AMPH: variants seen among roughly 807,000 people sequenced by gnomAD.
The protein encoded by AMPH is amphiphysin (Stiff-Mann syndrome with breast cancer 128kD autoantigen).
In AMPH, 49 loss-of-function variants were observed where a neutral mutation model predicts 99.1. The ratio of observed to expected loss-of-function variants is 0.49; its 90% CI spans 0.39 to 0.63. The LOEUF is 0.63. Ranked by LOEUF, AMPH falls within the 20% of genes least tolerant of loss-of-function variation. The pLI is 0.00. For synonymous variants in AMPH, 314 were observed against 317.3 expected (o/e 0.99, Z 0.11); for missense variants, 759 against 863.4 (o/e 0.88, Z 1.52).
chr7:38,472,898 C>T (rs1251221899), intron 7 of AMPH, among the ~76,000 whole-genome samples: 5 of 152,142 alleles, frequency 3.3e-5, no homozygotes, highest in African/African-American at 9.7e-5. Flanking sequence ...TTTCACGCTA[C>T]GAGACACTCC....
chr7:38,464,441 T>C (rs187558659), intron 9 of AMPH, among the ~76,000 whole-genome samples: 5 of 152,262 alleles, frequency 3.3e-5, no homozygotes, highest in East Asian at 1.9e-4. Context: ...ATAGAAACCA[T>C]AGCAGAACCT....
intron 19 of AMPH, among the ~76,000 whole-genome samples, chr7:38,390,941 C>G (rs181010116): frequency 9.1e-4 from 130 of 143,102 alleles, no homozygotes; most frequent in African/African-American, 3.2e-3. Flanking sequence ...CAGTTACTTT[C>G]TAATGGAGAG....
intron 1 of AMPH, among the ~76,000 whole-genome samples, chr7:38,585,749 T>C (rs1037499495): frequency 1.3e-5 from 2 of 152,234 alleles, no homozygotes; most frequent in African/African-American, 4.8e-5. Context: ...GCAAGGGCTA[T>C]TTTTGAAACA....
intron 1 of AMPH, among the ~76,000 whole-genome samples, chr7:38,565,987 A>T (rs1791728317): frequency 6.6e-6 from 1 of 152,224 alleles, no homozygotes; most frequent in Admixed American, 6.5e-5. Context: ...AGATATCTTC[A>T]TATGAAAATA....
intron 1 of AMPH, among the ~76,000 whole-genome samples, chr7:38,578,308 C>G (rs758322803): frequency 6.6e-6 from 1 of 152,112 alleles, no homozygotes; most frequent in Non-Finnish European, 1.5e-5. Flanking sequence ...AAGGACTTAG[C>G]AAGTTATGTT....
At chr7:38,590,039 T>C (rs1792798331) in intron 1 of AMPH, among the ~76,000 whole-genome samples, 1 of 152,142 alleles carries the variant, frequency 6.6e-6, no homozygotes, top group Non-Finnish European at 1.5e-5. Flanking sequence ...TGATGGAGTG[T>C]TGAAGTGTTA....
At chr7:38,549,443 A>G (rs1791107701) in intron 1 of AMPH, among the ~76,000 whole-genome samples, 2 of 152,372 alleles carry the variant, frequency 1.3e-5, no homozygotes, top group South Asian at 4.1e-4. Context: ...GGGAAAAAGG[A>G]GAATAAAGAA....
chr7:38,560,059 A>G (rs568971212), intron 1 of AMPH, among the ~76,000 whole-genome samples: 2 of 152,378 alleles, frequency 1.3e-5, no homozygotes, highest in South Asian at 4.1e-4. Flanking sequence ...CATTTCCTGT[A>G]TGCAGTCTGC....
At chr7:38,458,943 T>G (rs931897594) in intron 11 of AMPH, among the ~76,000 whole-genome samples, 2 of 152,098 alleles carry the variant, frequency 1.3e-5, no homozygotes, top group Non-Finnish European at 2.9e-5. Context: ...TCTTTGCTGA[T>G]AGTATGACCT....
chr7:38,576,369 C>T (rs892217279), intron 1 of AMPH, among the ~76,000 whole-genome samples: 2 of 152,178 alleles, frequency 1.3e-5, no homozygotes, highest in Non-Finnish European at 2.9e-5. Flanking sequence ...CTTCTCCACA[C>T]AACAGTCCTT....
At chr7:38,563,042 T>C (rs376785493) in intron 1 of AMPH, among the ~76,000 whole-genome samples, 1 of 152,198 alleles carries the variant, frequency 6.6e-6, no homozygotes, top group Non-Finnish European at 1.5e-5. Flanking sequence ...GTTTTCCTAT[T>C]TGAATTAAAA....
intron 2 of AMPH, among the ~76,000 whole-genome samples, chr7:38,511,024 G>A (rs1441371914): frequency 4.6e-5 from 7 of 151,886 alleles, no homozygotes; most frequent in African/African-American, 1.7e-4. Flanking sequence ...TGCAACTTGG[G>A]GCAAGTTACT....
chr7:38,454,318 G>A (rs761001522), intron 11 of AMPH, among the ~76,000 whole-genome samples: 1 of 151,810 alleles, frequency 6.6e-6, no homozygotes, highest in Non-Finnish European at 1.5e-5. Flanking sequence ...GATTATAATC[G>A]GCATATTACG....
intron 12 of AMPH, 49 bp from the exon 13 acceptor site, chr7:38,432,261 T>TA (rs767638620): frequency 3.2e-6 from 5 of 1,546,712 alleles, no homozygotes; most frequent in East Asian, 2.2e-5. Flanking sequence ...ATCTAAAACA[T>TA]AAAAAAATGC....
intron 9 of AMPH, 77 bp downstream of exon 9, chr7:38,465,390 T>C: frequency 6.4e-6 from 8 of 1,253,252 alleles, no homozygotes; most frequent in Non-Finnish European, 8.9e-6. Flanking sequence ...ATAAATAAAA[T>C]AGTACAGGCT....
intron 15 of AMPH, among the ~76,000 whole-genome samples, chr7:38,424,225 C>A (rs1232565712): frequency 6.6e-6 from 1 of 152,156 alleles, no homozygotes; most frequent in Admixed American, 6.5e-5. Context: ...TCTACCTGTA[C>A]AAGGTTCCAG....
At chr7:38,567,428 C>T (rs1054439780) in intron 1 of AMPH, among the ~76,000 whole-genome samples, 1 of 152,068 alleles carries the variant, frequency 6.6e-6, no homozygotes. Context: ...AGGAGAAATA[C>T]CTAATATAAA....
At chr7:38,577,829 A>G (rs1330859843) in intron 1 of AMPH, among the ~76,000 whole-genome samples, 3 of 137,618 alleles carry the variant, frequency 2.2e-5, no homozygotes, top group Non-Finnish European at 3.3e-5. Flanking sequence ...GAAAGGAAGG[A>G]AAGGAGGAGG....
intron 11 of AMPH, among the ~76,000 whole-genome samples, chr7:38,441,217 A>C (rs1786492570): frequency 6.6e-6 from 1 of 152,172 alleles, no homozygotes; most frequent in Admixed American, 6.5e-5. Context: ...AGAGAGCTTC[A>C]ACATAAAGCA....
Sources: allele counts gnomAD v4.1 joint callset (sites outside exome capture counted in the v4.1 genomes callset), GRCh38; gene constraint gnomAD v4.1.1; transcripts MANE v1.5; gene names NCBI Gene and HGNC (gene_info 2026-07-23, HGNC 2026-07-21).